The following VPS51 variants were observed in gnomAD, a reference collection of about 807,000 sequenced individuals.
VPS51 encodes vacuolar protein sorting-associated protein 51 homolog.
VPS51 carries 55 observed loss-of-function variants against 65.1 expected under a neutral mutation model. The observed-to-expected ratio is 0.84, with a 90% confidence interval of 0.68 to 1.06. The LOEUF is 1.06. Among genes scored for constraint, VPS51 ranks in the 50% least tolerant of loss-of-function variants. The pLI is 0.00. For synonymous variants in VPS51, 473 were observed against 489.5 expected, an observed-to-expected ratio of 0.97 and a Z score of 0.44; for missense variants, 943 against 1,101.6, an observed-to-expected ratio of 0.86 and a Z score of 2.04.
chr11:65,110,424 A>T (rs1462360212), intron 7 of VPS51, 58 bp from the exon 8 acceptor site: 5 of 1,612,586 alleles, frequency 3.1e-6, no homozygotes, highest in South Asian at 1.1e-5. Flanking sequence ...CTCAGCACCG[A>T]TGGGCTGGTG....
rs1476094847 is a variant in VPS51 at position 65,096,331 on chromosome 11, G to A, written c.81G>A (p.Pro27=). Residue 27 remains proline (P), a synonymous_variant, in exon 1 of 10, where the codon CCG becomes CCA. Transcript: ENST00000279281. The part of the protein sequence containing the change: ...DSPEGPEGEA[P]ERRRKAHGML... ...CAGAAGGGCCCGAGGGGGAGGCTCC[G>A]GAGCGTCGGCGGAAGGCGCACGGGA... is the stretch of plus-strand genomic sequence containing the variant. 10 of 1,513,454 alleles carry A rather than the reference G, an allele frequency of 6.6e-6. No individual in the cohort carries two copies. The highest frequency in any genetic ancestry group is 1.4e-5 in the African/African-American group (1 of 69,936). 93.8% of individuals were successfully genotyped at this position (1,513,454 alleles called of 1,614,324 possible).
At chr11:65,099,407 A>G (rs1947793199) in intron 2 of VPS51, among the ~76,000 whole-genome samples, 1 of 152,172 alleles carries the variant, frequency 6.6e-6, no homozygotes, top group African/African-American at 2.4e-5. Flanking sequence ...TCCAGAATGT[A>G]TTAGGGATTT....
chr11:65,102,646 G>A (rs144430229), intron 2 of VPS51, among the ~76,000 whole-genome samples: 1 of 152,298 alleles, frequency 6.6e-6, no homozygotes, highest in Non-Finnish European at 1.5e-5. Flanking sequence ...AGGAGATTGT[G>A]TCACATGGCC....
chr11:65,096,982 C>A lies in VPS51; in HGVS notation c.229-16C>A, dbSNP rs1477509421. On this transcript the variant is annotated splice_polypyrimidine_tract_variant and intron_variant, in intron 1 of 9. Transcript: ENST00000279281. ...AATGCCTCCTGACCCGAACACTAAC[C>A]ACCCAACTTCTTCAGCTGCGTAGAG... 6.2e-7 allele frequency: 1 copy of A among 1,612,564 alleles called. No homozygotes were observed. Among genetic ancestry groups the A allele is most frequent in the East Asian group, 2.2e-5 (1 of 44,898 alleles).
At chr11:65,106,177 T>C (rs575154825) in intron 2 of VPS51, among the ~76,000 whole-genome samples, 11 of 152,354 alleles carry the variant, frequency 7.2e-5, no homozygotes, top group South Asian at 2.1e-4. Flanking sequence ...CAAGAGATGA[T>C]AGTGGCTTAC....
chr11:65,107,775 G>T lies in VPS51; in HGVS notation c.506-28G>T. 1 of 1,603,950 alleles carries T rather than the reference G, an allele frequency of 6.2e-7. No homozygotes were observed. ...TGCAGTGGGCCTTTCCTGGGGCTCTGGGGCTAACGTCACCCTCCGTCCCCC... is the reference window on the plus strand; with the variant it reads ...TGCAGTGGGCCTTTCCTGGGGCTCTTGGGCTAACGTCACCCTCCGTCCCCC... On this transcript the variant is annotated intron_variant, in intron 3 of 9. Transcript: ENST00000279281. The surrounding 1 kb of genome is among the most constrained non-coding windows in gnomAD (Gnocchi z 4.0).
Position 65,107,810 on chromosome 11 carries a change from C to A in VPS51, c.513C>A (p.His171Gln). Residue 171 changes from histidine (H) to glutamine (Q), a missense_variant, in exon 4 of 10, where the codon CAC becomes CAA. His to Gln is a conservative substitution (Grantham distance 24). Transcript: ENST00000279281. The surrounding 1 kb of genome is among the most constrained non-coding windows in gnomAD (Gnocchi z 4.0). ...TCACCCTCCGTCCCCCAGGGGTCCA[C>A]GCGCTGCTGCGGAAGCTGCAGTTCC... is the stretch of plus-strand genomic sequence containing the variant. ...HERITKLAGV[H>Q]ALLRKLQFLF... is the part of the protein sequence containing the mutation. 1 of 1,570,734 alleles carries A rather than the reference C, an allele frequency of 6.4e-7. No individual in the cohort carries two copies.
chr11:65,096,982 C>T lies in VPS51; in HGVS notation c.229-16C>T, dbSNP rs1477509421. The T allele has an allele frequency of 6.2e-7, 1 of 1,612,682 alleles. No homozygotes were observed. Among genetic ancestry groups the T allele is most frequent in the African/African-American group, 1.3e-5 (1 of 75,004 alleles). On this transcript the variant is annotated splice_polypyrimidine_tract_variant and intron_variant, in intron 1 of 9. Coordinates refer to ENST00000279281, the MANE Select transcript of VPS51 (RefSeq NM_013265.4). ...AATGCCTCCTGACCCGAACACTAAC[C>T]ACCCAACTTCTTCAGCTGCGTAGAG...
chr11:65,096,495 A>AG lies in VPS51; in HGVS notation c.228+18dup. ...CTAGACAAGGTGTGTGCGCACGGGG[A>AG]GTGGGGGGGTGCGGGGAGGGGGGAA... On this transcript the variant is annotated intron_variant, in intron 1 of 9. Transcript: ENST00000279281. The AG allele has an allele frequency of 3.2e-6, 1 of 311,212 alleles. No homozygotes were observed. Among genetic ancestry groups the AG allele is most frequent in the South Asian group, 3.8e-5 (1 of 26,202 alleles). The allele number at this position is 311,212 out of a possible 1,614,324, so 19.3% of individuals were successfully genotyped here.
Position 65,111,350 on chromosome 11 carries a change from C to T in VPS51, c.2112C>T (p.Ile704=). 3.1e-6 allele frequency: 5 copies of T among 1,606,700 alleles called. No individual in the cohort carries two copies. In the South Asian group the frequency reaches 4.4e-5, roughly 14 times the overall value. ...FNKVSVLTGI[I]KISLKTLLEC... ...AGGTGTCGGTGCTGACCGGCATCAT[C>T]AAGATCAGCCTGAAGACGCTGCTGG... Residue 704 remains isoleucine, a synonymous_variant, in exon 10 of 10, where the codon ATC becomes ATT. Coordinates refer to ENST00000279281, the MANE Select transcript of VPS51 (RefSeq NM_013265.4).
intron 2 of VPS51, among the ~76,000 whole-genome samples, chr11:65,105,109 G>A: frequency 6.6e-6 from 1 of 152,120 alleles, no homozygotes; most frequent in East Asian, 1.9e-4. Flanking sequence ...TTAACAATGA[G>A]GTTTTTTCGA....
At chr11:65,096,577 G>T in intron 1 of VPS51, 99 bp downstream of exon 1, 1 of 1,099,782 alleles carries the variant, frequency 9.1e-7, no homozygotes, top group Admixed American at 3.1e-5. Context: ...CTTTTTGTGA[G>T]GTTCAGGAGA....
At position 65,111,422 on chromosome 11, in the gene VPS51, G is replaced by C. The variant is rs748514908; in HGVS notation, c.2184G>C (p.Val728=). ...RTFGRFGLQQ[V]QVDCHFLQLY... ...TTGGGCGCTTCGGGCTGCAGCAGGT[G>C]CAAGTGGACTGCCACTTTCTGCAGC... The change falls in exon 10 of 10, where the codon GTG becomes GTC. Residue 728 remains valine, a synonymous_variant. Transcript: ENST00000279281. 6.2e-7 allele frequency: 1 copy of C among 1,613,548 alleles called. No homozygotes were observed.
intron 1 of VPS51, 31 bp downstream of exon 1, chr11:65,096,509 GGGA>G: frequency 8.9e-7 from 1 of 1,124,914 alleles, no homozygotes; most frequent in Non-Finnish European, 1.3e-6. Context: ...GGGGGGTGCG[GGGA>G]GGGGGGAAGG....
intron 2 of VPS51, among the ~76,000 whole-genome samples, chr11:65,100,692 G>A (rs573769209): frequency 5.9e-5 from 9 of 151,910 alleles, no homozygotes; most frequent in Admixed American, 5.3e-4. Flanking sequence ...CATCACACCC[G>A]CCTAATTTTT....
At chr11:65,096,506 G>GGGGGCC in intron 1 of VPS51, 28 bp downstream of exon 1, 1 of 992,020 alleles carries the variant, frequency 1.0e-6, no homozygotes, top group East Asian at 2.9e-5. Flanking sequence ...GTGGGGGGGT[G>GGGGGCC]CGGGGAGGGG....
chr11:65,103,220 T>C (rs1402337684), intron 2 of VPS51, among the ~76,000 whole-genome samples: 1 of 152,168 alleles, frequency 6.6e-6, no homozygotes, highest in African/African-American at 2.4e-5. Context: ...TCACCATGCC[T>C]GTAGACAGAG....
In VPS51 at chr11:65,108,970, T is replaced by A. The variant is rs1255458723; in HGVS notation, c.1443+56T>A. 7.6e-6 allele frequency: 12 copies of A among 1,577,632 alleles called. No homozygotes were observed. The East Asian group carries it at 2.7e-4, about 35-fold the overall frequency. ...ACCTGCTGGTTGACCCTCCAAAACC[T>A]TTTATGCCAGTGCTTGGGAAACTGG... On this transcript the variant is annotated intron_variant, in intron 5 of 9. Coordinates refer to ENST00000279281, the MANE Select transcript of VPS51 (RefSeq NM_013265.4).
chr11:65,098,053 G>A (rs1947782621), intron 2 of VPS51, among the ~76,000 whole-genome samples: 2 of 151,308 alleles, frequency 1.3e-5, no homozygotes, highest in South Asian at 4.2e-4. Context: ...GTGGTGGCAG[G>A]CACCTGTAAT....
Sources: gnomAD v4.1 joint callset for allele counts (sites outside exome capture counted in the v4.1 genomes callset) on GRCh38, gnomAD v4.1.1 for gene constraint, Gnocchi (gnomAD v3.1) non-coding constraint, MANE v1.5 for transcripts, NCBI Gene and HGNC (gene_info 2026-07-23, HGNC 2026-07-21) for gene names.